Variants in WDR3 observed in about 807,000 individuals in gnomAD.
WDR3 encodes the protein WD repeat-containing protein 3.
A neutral mutation model predicts 123.7 loss-of-function variants in WDR3; 81 were observed. That is an observed-to-expected ratio of 0.65 (90% CI 0.55 to 0.79). The LOEUF (loss-of-function observed/expected upper bound fraction) is 0.79. WDR3 is among the 30% of genes least tolerant of loss of function. The pLI is 0.00. For missense variants in WDR3, 1,027 were observed against 1,123.2 expected (o/e 0.91, Z 1.22); for synonymous variants, 390 against 388.8 (o/e 1.00, Z -0.04).
rs762909670 is a variant in WDR3, at chr1:117,955,326, T to C, written c.2421T>C (p.Tyr807=). 4 of 1,612,182 alleles carry C rather than the reference T, an allele frequency of 2.5e-6. No individual in the cohort carries two copies. Among genetic ancestry groups the C allele is most frequent in the South Asian group, 1.1e-5 (1 of 90,878 alleles). The change falls in exon 24 of 27, where the codon TAT becomes TAC. Residue 807 remains tyrosine, a synonymous_variant. Coordinates refer to ENST00000349139, the MANE Select transcript of WDR3 (RefSeq NM_006784.3). Reference sequence around the variant, plus strand: ...TCCTTCCTTTATAGCCTTCAGCTTATGTATTAGAGATTTTTAAAGGGATCA... The same window carrying C: ...TCCTTCCTTTATAGCCTTCAGCTTACGTATTAGAGATTTTTAAAGGGATCA... The part of the protein sequence containing the change: ...MAYGSISPSA[Y]VLEIFKGIKS...
Position 117,962,945 on chromosome 1 carries a change from T to C in WDR3, c.*3498T>C, listed in dbSNP as rs550341441. The C allele has an allele frequency of 6.6e-6, 1 of 152,350 alleles. No homozygotes were observed. The highest frequency in any genetic ancestry group is 6.5e-5 in the Admixed American group (1 of 15,300). The allele number at this position is 152,350 out of a possible 1,614,324, so 9.4% of individuals were successfully genotyped here. ...GCAGAAGCTTAATGAAGAAACCACA[T>C]TGGCTTACAGTTACTGTCTGCAATC... is the stretch of plus-strand genomic sequence containing the variant. On this transcript the variant is annotated 3_prime_UTR_variant, in exon 27 of 27. Coordinates refer to ENST00000349139, the MANE Select transcript of WDR3 (RefSeq NM_006784.3).
At chr1:117,940,753 A>T in intron 6 of WDR3, 74 bp from the exon 7 acceptor site, 1 of 1,137,248 alleles carries the variant, frequency 8.8e-7, no homozygotes, top group Non-Finnish European at 1.2e-6. Flanking sequence ...CAACAACAAA[A>T]CAACAACAAC....
intron 23 of WDR3, 117 bp from the exon 24 acceptor site, chr1:117,955,198 G>T: frequency 1.2e-6 from 1 of 812,838 alleles, no homozygotes; most frequent in East Asian, 2.8e-5. Flanking sequence ...TGCCATTTTA[G>T]AATACTTTTT....
At chr1:117,942,971 G>T (rs1651230654) in intron 10 of WDR3, among the ~76,000 whole-genome samples, 1 of 128,854 alleles carries the variant, frequency 7.8e-6, no homozygotes, top group Non-Finnish European at 1.6e-5. Context: ...AATTTTTTTT[G>T]AGATGGAGTC....
intron 13 of WDR3, 96 bp downstream of exon 13, chr1:117,948,602 T>C (rs1651494733): frequency 2.2e-6 from 2 of 892,878 alleles, no homozygotes; most frequent in African/African-American, 3.4e-5. Context: ...GTTTTTTTTT[T>C]TTTTTGGTCT....
Position 117,964,071 on chromosome 1 carries a change from G to T in WDR3, c.*4624G>T. 1 of 943,126 alleles carries T rather than the reference G, an allele frequency of 1.1e-6. No individual in the cohort carries two copies. The highest frequency in any genetic ancestry group is 1.6e-6 in the Non-Finnish European group (1 of 632,890). 58.4% of individuals were successfully genotyped at this position (943,126 alleles called of 1,614,324 possible). A position where few individuals can be genotyped will look rare whatever the true frequency, so the allele number is the denominator to read the frequency against. ...AATTTTAGGTAACTGTCTATCCAAT[G>T]CAAATTCTGCATGCTCAGGCTTGGG... On this transcript the variant is annotated 3_prime_UTR_variant, in exon 27 of 27. Coordinates refer to ENST00000349139, the MANE Select transcript of WDR3 (RefSeq NM_006784.3).
intron 8 of WDR3, 53 bp downstream of exon 8, chr1:117,941,278 C>G (rs1026913088): frequency 1.8e-5 from 28 of 1,540,242 alleles, no homozygotes; most frequent in Non-Finnish European, 2.5e-5. Context: ...TCCTTCCAAA[C>G]ACTCATTCTT....
rs2101411051 is a variant in WDR3, at chr1:117,964,114, G to C, written c.*4667G>C. 1 of 595,692 alleles carries C rather than the reference G, an allele frequency of 1.7e-6. No individual in the cohort carries two copies. The highest frequency in any genetic ancestry group is 2.9e-5 in the East Asian group (1 of 34,122). 36.9% of individuals were successfully genotyped at this position (595,692 alleles called of 1,614,324 possible). A position where few individuals can be genotyped will look rare whatever the true frequency, so the allele number is the denominator to read the frequency against. On this transcript the variant is annotated 3_prime_UTR_variant, in exon 27 of 27. Transcript: ENST00000349139. ...GGCTTGGGGGTTAGAGGATGGATAT[G>C]CCAATGTCTAGAATGTCTTCTGTTC...
In WDR3 at chr1:117,951,009, A is replaced by G. The variant is rs1379397148; in HGVS notation, c.1803+119A>G. 1.1e-5 allele frequency: 8 copies of G among 722,854 alleles called. No homozygotes were observed. In the Admixed American group the frequency reaches 2.3e-4, roughly 21 times the overall value. 44.8% of individuals were successfully genotyped at this position (722,854 alleles called of 1,614,324 possible). On this transcript the variant is annotated intron_variant, in intron 16 of 26. Transcript: ENST00000349139. Reference sequence around the variant, plus strand: ...TGTTTTTATCATCATTCTGTTATATATCTTTCTCCAAAAACAGTCTCAAAT... The same window carrying G: ...TGTTTTTATCATCATTCTGTTATATGTCTTTCTCCAAAAACAGTCTCAAAT...
At chr1:117,948,566 C>A in intron 13 of WDR3, 60 bp downstream of exon 13, 2 of 1,289,476 alleles carry the variant, frequency 1.6e-6, no homozygotes, top group Non-Finnish European at 2.1e-6. Context: ...TGATTTCTCT[C>A]AGGGTTTCTT....
intron 3 of WDR3, among the ~76,000 whole-genome samples, chr1:117,936,416 A>G (rs934794952): frequency 6.6e-6 from 1 of 152,152 alleles, no homozygotes; most frequent in Non-Finnish European, 1.5e-5. Context: ...AGAATTGATT[A>G]TTATGTGAGC....
intron 20 of WDR3, 102 bp from the exon 21 acceptor site, chr1:117,953,374 T>G (rs1651726025): frequency 8.6e-7 from 1 of 1,164,694 alleles, no homozygotes; most frequent in African/African-American, 1.6e-5. Flanking sequence ...AGTATTTTCA[T>G]AAAATAATAA....
In WDR3 at chr1:117,958,970, G is replaced by A. The variant is rs1652634212; in HGVS notation, c.2643G>A (p.Arg881=). ...QMLVPVIEKL[R]ETTISKVSQV... The stretch of plus-strand genomic sequence containing the variant: ...TTGTGCCAGTGATAGAAAAATTAAG[G>A]GAAACAACTATTTCAAAAGTCAGCC... The change falls in exon 26 of 27, where the codon AGG becomes AGA. Residue 881 remains arginine, a synonymous_variant. Coordinates refer to ENST00000349139, the MANE Select transcript of WDR3 (RefSeq NM_006784.3). The A allele has an allele frequency of 2.5e-6, 4 of 1,613,844 alleles. No individual in the cohort carries two copies. The highest frequency in any genetic ancestry group is 3.4e-6 in the Non-Finnish European group (4 of 1,179,912).
Position 117,963,109 on chromosome 1 carries a change from AACACAGT to A in WDR3, c.*3668_*3674del, listed in dbSNP as rs1054470185. 7 of 152,296 alleles carry A rather than the reference AACACAGT, an allele frequency of 4.6e-5. No homozygotes were observed. The highest frequency in any genetic ancestry group is 8.8e-5 in the Non-Finnish European group (6 of 68,036). The allele number at this position is 152,296 out of a possible 1,614,324, so 9.4% of individuals were successfully genotyped here. A position where few individuals can be genotyped will look rare whatever the true frequency, so the allele number is the denominator to read the frequency against. On this transcript the variant is annotated 3_prime_UTR_variant, in exon 27 of 27. Coordinates refer to ENST00000349139, the MANE Select transcript of WDR3 (RefSeq NM_006784.3). ...CCAAGCAGCCCTGGTATGTTTTTAGAACACAGTACACATTGTGTAACAGTCACTGAGC... is the reference window on the plus strand; with the variant it reads ...CCAAGCAGCCCTGGTATGTTTTTAGAACACATTGTGTAACAGTCACTGAGC...
rs1653774348 is a variant in WDR3, at chr1:117,965,920, T to C, written c.*6473T>C. On this transcript the variant is annotated 3_prime_UTR_variant, in exon 27 of 27. Coordinates refer to ENST00000349139, the MANE Select transcript of WDR3 (RefSeq NM_006784.3). ...TCATCCCAAACACCTGGAGCTTTCC[T>C]GTTGCCATGGTTTTGTTCATTATTT... The C allele has an allele frequency of 6.6e-6, 1 of 152,244 alleles. No individual in the cohort carries two copies. Among genetic ancestry groups the C allele is most frequent in the South Asian group, 2.1e-4 (1 of 4,832 alleles). The allele number at this position is 152,244 out of a possible 1,614,324, so 9.4% of individuals were successfully genotyped here. A position where few individuals can be genotyped will look rare whatever the true frequency, so the allele number is the denominator to read the frequency against.
At chr1:117,934,978 AG>A (rs1261677407) in intron 3 of WDR3, among the ~76,000 whole-genome samples, 1 of 152,264 alleles carries the variant, frequency 6.6e-6, no homozygotes, top group Non-Finnish European at 1.5e-5. Context: ...AAGAAAACAA[AG>A]ACTGGAAAAG....
intron 4 of WDR3, 151 bp downstream of exon 4, chr1:117,937,038 A>C (rs1650966038): frequency 1.6e-6 from 1 of 609,182 alleles, no homozygotes; most frequent in Non-Finnish European, 2.9e-6. Context: ...ATTTCTTCTA[A>C]GTAGTATCGT....
intron 4 of WDR3, 65 bp downstream of exon 4, chr1:117,936,952 C>T (rs1650963517): frequency 2.2e-6 from 3 of 1,343,856 alleles, no homozygotes; most frequent in African/African-American, 1.4e-5. Flanking sequence ...TTATTCCTTA[C>T]TCATTTCTCT....
intron 18 of WDR3, 32 bp from the exon 19 acceptor site, chr1:117,952,496 G>A: frequency 6.3e-7 from 1 of 1,598,586 alleles, no homozygotes. Context: ...GTCAATGAAT[G>A]AGGTATTCTT....
Sources: allele counts gnomAD v4.1 joint callset (sites outside exome capture counted in the v4.1 genomes callset), GRCh38; gene constraint gnomAD v4.1.1; transcripts MANE v1.5; gene names NCBI Gene and HGNC (gene_info 2026-07-23, HGNC 2026-07-21).